IRS2: variants seen among roughly 807,000 people sequenced by gnomAD.
IRS2 encodes the protein insulin receptor substrate 2.
In IRS2, 28 loss-of-function variants were observed where a neutral mutation model predicts 70.9. The ratio of observed to expected loss-of-function variants is 0.39; its 90% CI spans 0.29 to 0.54. The LOEUF (loss-of-function observed/expected upper bound fraction) is 0.54. Ranked by LOEUF, IRS2 falls within the 20% of genes least tolerant of loss-of-function variation. IRS2 has a pLI of 0.59. For synonymous variants in IRS2, 1,217 were observed against 981.9 expected (o/e 1.24, Z -4.48); for missense variants, 2,081 against 2,024.1 (o/e 1.03, Z -0.54).
At chr13:109,765,063 C>A (rs1350737493) in intron 1 of IRS2, among the ~76,000 whole-genome samples, 1 of 152,154 alleles carries the variant, frequency 6.6e-6, no homozygotes, top group Non-Finnish European at 1.5e-5. Flanking sequence ...CTTGCCACGT[C>A]ACACATGCCA....
rs57032199 is a variant in IRS2 at position 109,755,233 on chromosome 13, G to GTTTTTTTTTTTT, written c.*1070_*1071insAAAAAAAAAAAA. The GTTTTTTTTTTTT allele has an allele frequency of 4.9e-6, 1 of 206,174 alleles. No homozygotes were observed. 12.8% of individuals were successfully genotyped at this position (206,174 alleles called of 1,614,324 possible). A position where few individuals can be genotyped will look rare whatever the true frequency, so the allele number is the denominator to read the frequency against. ...TCTTTCCTTTTTTTTTTTTCTTTTT[G>GTTTTTTTTTTTT]TTTTTTTTGTTCAGGGCAGCCTCAC... On this transcript the variant is annotated 3_prime_UTR_variant, in exon 2 of 2. Transcript: ENST00000375856.
rs755626807 is a variant in IRS2 at position 109,783,745 on chromosome 13, G to A, written c.2309C>T (p.Ser770Phe). The change falls in exon 1 of 2, where the codon TCC (serine) becomes TTC (phenylalanine). Residue 770 changes from serine (S) to phenylalanine (F), a missense_variant. Around this residue, in one of 4 missense-constraint regions of IRS2, gnomAD observed 1,615 missense variants for 1,459.5 expected, o/e 1.11. Transcript: ENST00000375856. The stretch of plus-strand genomic sequence containing the variant: ...GCCCGTGGTGACCGCGTCGCTGGGG[G>A]ACACGTTGAGGTAGTCCCCGTTGGG... Reference protein sequence around the residue: ...LLPNGDYLNVSPSDAVTTGTP... With the variant: ...LLPNGDYLNVFPSDAVTTGTP... 3.8e-6 allele frequency: 6 copies of A among 1,588,786 alleles called. No homozygotes were observed. The highest frequency in any genetic ancestry group is 4.6e-5 in the East Asian group (2 of 43,346).
At chr13:109,772,133 G>A (rs1877464875) in intron 1 of IRS2, among the ~76,000 whole-genome samples, 1 of 152,268 alleles carries the variant, frequency 6.6e-6, no homozygotes, top group African/African-American at 2.4e-5. Context: ...CATGGGTGAG[G>A]GTGGCCACTG....
intron 1 of IRS2, among the ~76,000 whole-genome samples, chr13:109,772,807 T>C (rs1365836390): frequency 2.0e-5 from 3 of 151,104 alleles, no homozygotes; most frequent in Admixed American, 6.6e-5. Flanking sequence ...GCCATTCTCC[T>C]GCCTCAGCCT....
Position 109,784,560 on chromosome 13 carries a change from C to A in IRS2, c.1494G>T (p.Met498Ile). The A allele has an allele frequency of 7.0e-7, 1 of 1,433,176 alleles. No individual in the cohort carries two copies. Among genetic ancestry groups the A allele is most frequent in the Middle Eastern group, 2.0e-4 (1 of 4,962 alleles). 88.8% of individuals were successfully genotyped at this position (1,433,176 alleles called of 1,614,324 possible). The change falls in exon 1 of 2, where the codon ATG becomes ATT. Residue 498 changes from methionine to isoleucine, a missense_variant. Around this residue, in one of 4 missense-constraint regions of IRS2, gnomAD observed 1,615 missense variants for 1,459.5 expected, o/e 1.11. Coordinates refer to ENST00000375856, the MANE Select transcript of IRS2 (RefSeq NM_003749.3). The surrounding 1 kb of genome is among the most constrained non-coding windows in gnomAD (Gnocchi z 5.2). ...GGCTGGAGCCGTACTCGTCCAGGGA[C>A]ATGAAGCCGGGGTCGCTGGGGGAGC... ...ASGSPSDPGF[M>I]SLDEYGSSPG...
intron 1 of IRS2, among the ~76,000 whole-genome samples, chr13:109,764,036 G>C (rs1341886981): frequency 6.6e-6 from 1 of 152,176 alleles, no homozygotes; most frequent in East Asian, 1.9e-4. Context: ...AGCCTCCTAA[G>C]AATCACCACG....
At chr13:109,763,817 CA>C (rs1877278156) in intron 1 of IRS2, among the ~76,000 whole-genome samples, 1 of 152,156 alleles carries the variant, frequency 6.6e-6, no homozygotes, top group South Asian at 2.1e-4. Context: ...TTTTTGCTGC[CA>C]AATTAAGAGA....
At position 109,785,728 on chromosome 13, in the gene IRS2, T is replaced by C. The variant is rs1411837176; in HGVS notation, c.326A>G (p.His109Arg). 1 of 1,599,460 alleles carries C rather than the reference T, an allele frequency of 6.3e-7. No homozygotes were observed. The highest frequency in any genetic ancestry group is 1.3e-5 in the African/African-American group (1 of 74,718). The change falls in exon 1 of 2, where the codon CAC becomes CGC. Residue 109 changes from histidine to arginine, a missense_variant. Physicochemically the swap from His to Arg is conservative, Grantham distance 29. Coordinates refer to ENST00000375856, the MANE Select transcript of IRS2 (RefSeq NM_003749.3). This position sits in a 1 kb window ranked among gnomAD's most constrained non-coding sequence, Gnocchi z 9.3. ...GGTGTAGAGGGCGATCAGGTACTTG[T>C]GCTTGGCGTCGGCGCGCTTGTTGAT... ...LNINKRADAK[H>R]KYLIALYTKD...
At position 109,754,756 on chromosome 13, in the gene IRS2, T is replaced by A. The variant is rs1877065778; in HGVS notation, c.*1548A>T. 2 of 193,452 alleles carry A rather than the reference T, an allele frequency of 1.0e-5. No homozygotes were observed. The highest frequency in any genetic ancestry group is 2.3e-5 in the African/African-American group (1 of 43,098). 12.0% of individuals were successfully genotyped at this position (193,452 alleles called of 1,614,324 possible). A position where few individuals can be genotyped will look rare whatever the true frequency, so the allele number is the denominator to read the frequency against. On this transcript the variant is annotated 3_prime_UTR_variant, in exon 2 of 2. Coordinates refer to ENST00000375856, the MANE Select transcript of IRS2 (RefSeq NM_003749.3). ...TAAATATATTTTTAAGACATTGAATTTTTTGGTCTTCCTCTAAAAAAGCCT... is the reference window on the plus strand; with the variant it reads ...TAAATATATTTTTAAGACATTGAATATTTTGGTCTTCCTCTAAAAAAGCCT...
rs2138929014 is a variant in IRS2 at position 109,782,176 on chromosome 13, A to G, written c.3878T>C (p.Leu1293Pro). ...SWGRTRSLGGLISAVGVGSTG... is the reference protein window; with the variant it reads ...SWGRTRSLGGPISAVGVGSTG... ...GCTGCCGACGCCCACAGCGCTGATG[A>G]GACCCCCGAGGCTTCGGGTCCGGCC... Residue 1293 changes from leucine to proline, a missense_variant, in exon 1 of 2, where the codon CTC becomes CCC. Around this residue, in one of 4 missense-constraint regions of IRS2, gnomAD observed 1,615 missense variants for 1,459.5 expected, o/e 1.11. Transcript: ENST00000375856. The G allele has an allele frequency of 6.2e-7, 1 of 1,606,152 alleles. No individual in the cohort carries two copies. Among genetic ancestry groups the G allele is most frequent in the Non-Finnish European group, 8.5e-7 (1 of 1,176,646 alleles).
intron 1 of IRS2, among the ~76,000 whole-genome samples, chr13:109,777,221 A>C (rs1877598389): frequency 6.6e-6 from 1 of 152,140 alleles, no homozygotes; most frequent in African/African-American, 2.4e-5. Context: ...TTATAAGGTG[A>C]AATGGGAACA....
intron 1 of IRS2, among the ~76,000 whole-genome samples, chr13:109,773,214 T>TA (rs1462426454): frequency 2.6e-5 from 4 of 152,102 alleles, no homozygotes; most frequent in African/African-American, 9.7e-5. Context: ...CAAGGGCTGT[T>TA]AAAAATAAAA....
At position 109,772,734 on chromosome 13, in the gene IRS2, GCCGGA is replaced by G. The variant is rs779157544; in HGVS notation, c.4012+9303_4012+9307del. Reference sequence around the variant, plus strand: ...GACGGAGTCTCGCTCTGTCGGCCAGGCCGGACTGCGGACTGCAGTGGCGCGATCTC... The same window carrying G: ...GACGGAGTCTCGCTCTGTCGGCCAGGCTGCGGACTGCAGTGGCGCGATCTC... On this transcript the variant is annotated intron_variant, in intron 1 of 1. Coordinates refer to ENST00000375856, the MANE Select transcript of IRS2 (RefSeq NM_003749.3). 5.7e-3 allele frequency among the ~76,000 whole-genome samples: 856 copies of G among 149,336 alleles called. 4 individuals are homozygous for G. The highest frequency in any genetic ancestry group is 9.5e-3 in the Non-Finnish European group (641 of 67,402).
rs950586821 is a variant in IRS2 at position 109,784,557 on chromosome 13, G to T, written c.1497C>A (p.Ser499=). ...CTGGGCTGGAGCCGTACTCGTCCAG[G>T]GACATGAAGCCGGGGTCGCTGGGGG... is the stretch of plus-strand genomic sequence containing the variant. The part of the protein sequence containing the change: ...SGSPSDPGFM[S]LDEYGSSPGD... The change falls in exon 1 of 2, where the codon TCC becomes TCA. Residue 499 remains serine (S), a synonymous_variant. Transcript: ENST00000375856. The surrounding 1 kb of genome is among the most constrained non-coding windows in gnomAD (Gnocchi z 5.2). 2.3e-5 allele frequency: 33 copies of T among 1,447,122 alleles called. No individual in the cohort carries two copies. In the Admixed American group the frequency reaches 3.1e-4, roughly 14 times the overall value. 89.6% of individuals were successfully genotyped at this position (1,447,122 alleles called of 1,614,324 possible). A position where few individuals can be genotyped will look rare whatever the true frequency, so the allele number is the denominator to read the frequency against.
Position 109,784,396 on chromosome 13 carries a change from C to T in IRS2, c.1658G>A (p.Gly553Asp), listed in dbSNP as rs781069043. Residue 553 changes from glycine (G) to aspartate (D), a missense_variant, in exon 1 of 2, where the codon GGC (glycine) becomes GAC (aspartate). By Grantham distance (94) the Gly-to-Asp change is moderately conservative. Coordinates refer to ENST00000375856, the MANE Select transcript of IRS2 (RefSeq NM_003749.3). The surrounding 1 kb of genome is among the most constrained non-coding windows in gnomAD (Gnocchi z 5.2). ...CCCCGAGACCCGGCGGTAGGAGCGG[C>T]CACAGTGGCTCAGGGGCCTGTCCAT... ...MTMDRPLSHCGRSYRRVSGDA... is the reference protein window; with the variant it reads ...MTMDRPLSHCDRSYRRVSGDA... The T allele has an allele frequency of 6.2e-7, 1 of 1,610,674 alleles. No homozygotes were observed. The highest frequency in any genetic ancestry group is 8.5e-7 in the Non-Finnish European group (1 of 1,179,348).
chr13:109,764,880 G>A lies in IRS2; in HGVS notation c.4013-8572C>T, dbSNP rs553804445. Among the ~76,000 whole-genome samples the A allele has an allele frequency of 1.4e-3, 210 of 152,376 alleles. 1 individual carries two copies. In the Middle Eastern group the frequency reaches 0.02, roughly 15 times the overall value. ...TGAACAAACTTGTTTTAATTGGACA[G>A]AAGTGGAACAGAAGTAGAATTGTTT... On this transcript the variant is annotated intron_variant, in intron 1 of 1. Coordinates refer to ENST00000375856, the MANE Select transcript of IRS2 (RefSeq NM_003749.3).
chr13:109,781,482 G>C (rs568978492), intron 1 of IRS2, among the ~76,000 whole-genome samples: 23 of 152,226 alleles, frequency 1.5e-4, no homozygotes, highest in Non-Finnish European at 2.6e-4. Context: ...CAGTTTGTGT[G>C]TAAAACGGAA....
intron 1 of IRS2, among the ~76,000 whole-genome samples, chr13:109,775,753 AACACACACAC>A (rs71127906): frequency 3.2e-3 from 445 of 140,524 alleles, no homozygotes; most frequent in Non-Finnish European, 4.1e-3. Flanking sequence ...ATATTATGGA[AACACACACAC>A]ACACACACAC....
Position 109,754,036 on chromosome 13 carries a change from G to GC in IRS2, c.*2267dup. 1 of 230,742 alleles carries GC rather than the reference G, an allele frequency of 4.3e-6. No individual in the cohort carries two copies. The highest frequency in any genetic ancestry group is 8.6e-6 in the Non-Finnish European group (1 of 116,328). The allele number at this position is 230,742 out of a possible 1,614,324, so 14.3% of individuals were successfully genotyped here. A position where few individuals can be genotyped will look rare whatever the true frequency, so the allele number is the denominator to read the frequency against. ...TTAAGTCTCTTGTCATATCACAATA[G>GC]CAAGAAATATATTTAACATCTTGAT... On this transcript the variant is annotated 3_prime_UTR_variant, in exon 2 of 2. Transcript: ENST00000375856.
Sources: gnomAD v4.1 joint callset for allele counts (sites outside exome capture counted in the v4.1 genomes callset) on GRCh38, gnomAD v4.1.1 for gene constraint, gnomAD v4.1.1 regional missense constraint, Gnocchi (gnomAD v3.1) non-coding constraint, MANE v1.5 for transcripts, NCBI Gene and HGNC (gene_info 2026-07-23, HGNC 2026-07-21) for gene names.